The following GRTP1 variants were observed in gnomAD, a reference collection of about 807,000 sequenced individuals.
GRTP1 encodes growth hormone regulated TBC protein 1, also known as growth hormone-regulated TBC protein 1.
Under a neutral mutation model 38.1 loss-of-function variants are expected in GRTP1, and 56 were observed. That is an observed-to-expected ratio of 1.47 (90% confidence interval 1.19 to 1.84). The LOEUF is 1.84. Ranked by LOEUF, GRTP1 falls within the 40% of genes most tolerant of loss-of-function variation. The pLI is 0.00. For missense variants in GRTP1, 506 were observed against 453.9 expected (o/e 1.11, Z -1.04); for synonymous variants, 217 against 189.5 (o/e 1.14, Z -1.19).
intron 2 of GRTP1, among the ~76,000 whole-genome samples, chr13:113,362,057 GA>G (rs2043509128): frequency 6.6e-6 from 1 of 152,184 alleles, no homozygotes; most frequent in Non-Finnish European, 1.5e-5. Flanking sequence ...GCTGAGGCAG[GA>G]AAATCGCTTG....
intron 5 of GRTP1, among the ~76,000 whole-genome samples, chr13:113,340,740 A>G (rs1031970203): frequency 6.6e-6 from 1 of 152,140 alleles, no homozygotes; most frequent in African/African-American, 2.4e-5. Context: ...AGATTGCGCC[A>G]CTGCACTCCA....
intron 2 of GRTP1, among the ~76,000 whole-genome samples, chr13:113,362,453 G>A (rs750550121): frequency 6.7e-4 from 102 of 152,290 alleles, no homozygotes; most frequent in Admixed American, 2.5e-3. Context: ...AAGCATATAG[G>A]ATATTAACTT....
intron 5 of GRTP1, among the ~76,000 whole-genome samples, chr13:113,344,511 T>C (rs2043070002): frequency 6.6e-6 from 1 of 152,128 alleles, no homozygotes; most frequent in Non-Finnish European, 1.5e-5. Context: ...GTCAGAAGTT[T>C]GAGACCAGCC....
intron 5 of GRTP1, among the ~76,000 whole-genome samples, chr13:113,334,571 G>A (rs1479088755): frequency 6.6e-6 from 1 of 151,978 alleles, no homozygotes; most frequent in Non-Finnish European, 1.5e-5. Flanking sequence ...AGAAACTGGT[G>A]GAAATCCTCA....
chr13:113,343,682 T>C lies in GRTP1; in HGVS notation c.562+1181A>G, dbSNP rs1471946260. ...TGACTGTGTCCGTGTGGTGTGGCTG[T>C]TCTGAGGACAAGCGCAGCTCAGCAG... is the stretch of plus-strand genomic sequence containing the variant. On this transcript the variant is annotated intron_variant, in intron 5 of 7. Transcript: ENST00000375431. The surrounding 1 kb of genome is among the most constrained non-coding windows in gnomAD (Gnocchi z 4.8). 6.6e-6 allele frequency among the ~76,000 whole-genome samples: 1 copy of C among 152,188 alleles called. No individual in the cohort carries two copies. The highest frequency in any genetic ancestry group is 1.5e-5 in the Non-Finnish European group (1 of 68,032).
intron 5 of GRTP1, among the ~76,000 whole-genome samples, chr13:113,331,759 G>A (rs1375995180): frequency 2.0e-5 from 3 of 146,662 alleles, no homozygotes; most frequent in African/African-American, 5.0e-5. Context: ...AGGTTAAAGC[G>A]ATTCTCCTGC....
intron 3 of GRTP1, chr13:113,352,094 A>AG (rs1299846986): frequency 8.2e-6 from 1 of 121,250 alleles, no homozygotes; most frequent in Non-Finnish European, 1.7e-5. Flanking sequence ...CTTACAAAAG[A>AG]GCCTTTTTTT....
At chr13:113,325,428 C>G (rs533445672) in intron 7 of GRTP1, 2 of 1,443,552 alleles carry the variant, frequency 1.4e-6, no homozygotes, top group African/African-American at 2.9e-5. Flanking sequence ...GCCATTAGGA[C>G]CAGGAGCAGC....
chr13:113,327,195 GAGA>G (rs2042787255), intron 5 of GRTP1, among the ~76,000 whole-genome samples: 1 of 150,700 alleles, frequency 6.6e-6, no homozygotes, highest in Non-Finnish European at 1.5e-5. Context: ...ATTTTTTTTT[GAGA>G]CGGAGTCTCG....
chr13:113,360,171 C>T (rs1351805416), intron 2 of GRTP1: 1 of 152,134 alleles, frequency 6.6e-6, no homozygotes, highest in African/African-American at 2.4e-5. Context: ...CTGCAGACGT[C>T]TATTCTCGAG....
chr13:113,336,998 A>G (rs992587030), intron 5 of GRTP1, among the ~76,000 whole-genome samples: 41 of 152,240 alleles, frequency 2.7e-4, no homozygotes, highest in African/African-American at 9.6e-4. Flanking sequence ...TTACATGTCA[A>G]CTAAACAAAC....
chr13:113,347,555 T>A (rs1462945850), intron 4 of GRTP1, among the ~76,000 whole-genome samples: 8 of 86,016 alleles, frequency 9.3e-5, no homozygotes, highest in South Asian at 3.5e-4. Context: ...AGGACCTCTG[T>A]GGCAGAGAGC....
At chr13:113,354,800 T>C (rs903354643) in intron 3 of GRTP1, among the ~76,000 whole-genome samples, 3 of 152,226 alleles carry the variant, frequency 2.0e-5, no homozygotes, top group African/African-American at 4.8e-5. Context: ...GTGCTGGGAT[T>C]ACAGGCGTGA....
intron 7 of GRTP1, 167 bp from the exon 8 acceptor site, chr13:113,324,744 C>T (rs2042734044): frequency 7.1e-7 from 1 of 1,407,982 alleles, no homozygotes; most frequent in South Asian, 1.6e-5. Context: ...TCACTCCTGC[C>T]CTGGGGCCTA....
In GRTP1 at chr13:113,325,754, C is replaced by G; in HGVS notation, c.828G>C (p.Leu276Phe). The G allele has an allele frequency of 1.2e-6, 2 of 1,614,216 alleles. No individual in the cohort carries two copies. Among genetic ancestry groups the G allele is most frequent in the Non-Finnish European group, 1.7e-6 (2 of 1,180,036 alleles). The change falls in exon 7 of 8, where the codon TTG becomes TTC. Residue 276 changes from leucine (L) to phenylalanine (F), a missense_variant. By Grantham distance (22) the Leu-to-Phe change is conservative. Transcript: ENST00000375431. ...ALTLIKQHQE[L>F]ILEATSVPDI... Reference sequence around the variant, plus strand: ...CTGGAACGCTGGTGGCTTCCAAAATCAACTCCTGGTGCTGCTTAATTAAGG... The same window carrying G: ...CTGGAACGCTGGTGGCTTCCAAAATGAACTCCTGGTGCTGCTTAATTAAGG...
chr13:113,355,376 T>A lies in GRTP1; in HGVS notation c.287A>T (p.His96Leu). 1 of 1,614,084 alleles carries A rather than the reference T, an allele frequency of 6.2e-7. No homozygotes were observed. The highest frequency in any genetic ancestry group is 2.2e-5 in the East Asian group (1 of 44,862). The change falls in exon 3 of 8, where the codon CAC becomes CTC. Residue 96 changes from histidine to leucine, a missense_variant. Physicochemically the swap from His to Leu is moderately conservative, Grantham distance 99 (BLOSUM62 -3). Transcript: ENST00000375431. ...AQMDQNPGYY[H>L]QLLQGERNPR... ...GTTTCTCTCTCCCTGGAGAAGCTGG[T>A]GGTAGTAGCCGGGATTCTGGTCCAT... is the stretch of plus-strand genomic sequence containing the variant.
intron 2 of GRTP1, 32 bp downstream of exon 2, chr13:113,363,730 C>T (rs556853366): frequency 6.3e-7 from 1 of 1,592,120 alleles, no homozygotes; most frequent in East Asian, 2.3e-5. Context: ...CCACCTGCGC[C>T]CTCGGGACCC....
At position 113,343,274 on chromosome 13, in the gene GRTP1, G is replaced by A. The variant is rs914085210; in HGVS notation, c.562+1589C>T. 1.3e-5 allele frequency among the ~76,000 whole-genome samples: 2 copies of A among 152,176 alleles called. No individual in the cohort carries two copies. The highest frequency in any genetic ancestry group is 4.8e-5 in the African/African-American group (2 of 41,518). On this transcript the variant is annotated intron_variant, in intron 5 of 7. Coordinates refer to ENST00000375431, the MANE Select transcript of GRTP1 (RefSeq NM_024719.4). The surrounding 1 kb of genome is among the most constrained non-coding windows in gnomAD (Gnocchi z 4.8). ...ATTCCACCTGGTCCAGGTGTTCACC[G>A]AACTGAGCTGAGACAGCCGGCATCC...
At chr13:113,354,311 C>T (rs887704399) in intron 3 of GRTP1, among the ~76,000 whole-genome samples, 2 of 152,122 alleles carry the variant, frequency 1.3e-5, no homozygotes, top group Non-Finnish European at 2.9e-5. Context: ...TTGGGAGCCC[C>T]CTCCCCACTG....
Sources: allele counts gnomAD v4.1 joint callset (sites outside exome capture counted in the v4.1 genomes callset), GRCh38; gene constraint gnomAD v4.1.1; non-coding constraint Gnocchi (gnomAD v3.1); transcripts MANE v1.5; gene names NCBI Gene and HGNC (gene_info 2026-07-23, HGNC 2026-07-21).